MPP7: variants seen among roughly 807,000 people sequenced by gnomAD.
The protein encoded by MPP7 is MAGUK p55 scaffold protein 7.
MPP7 carries 60 observed loss-of-function variants against 76.5 expected under a neutral mutation model. That is an observed-to-expected ratio of 0.78 (90% CI 0.64 to 0.97). MPP7 has a LOEUF of 0.97. Ranked by LOEUF, MPP7 falls within the 50% of genes least tolerant of loss-of-function variation. MPP7 has a pLI of 0.00. For missense variants in MPP7, 641 were observed against 694.0 expected, an observed-to-expected ratio of 0.92 and a Z score of 0.86; for synonymous variants, 237 against 244.5, an observed-to-expected ratio of 0.97 and a Z score of 0.29.
intron 1 of MPP7, among the ~76,000 whole-genome samples, chr10:28,295,079 G>A (rs148700027): frequency 6.6e-6 from 1 of 152,256 alleles, no homozygotes; most frequent in East Asian, 1.9e-4. Context: ...AAATTCTGGG[G>A]CTGGAAGGCA....
At chr10:28,211,273 T>C (rs1310238053) in intron 2 of MPP7, among the ~76,000 whole-genome samples, 1 of 152,104 alleles carries the variant, frequency 6.6e-6, no homozygotes, top group South Asian at 2.1e-4. Context: ...ATCATTGTCC[T>C]TACAGATAAA....
intron 8 of MPP7, among the ~76,000 whole-genome samples, chr10:28,122,088 G>A (rs1317266000): frequency 6.6e-6 from 1 of 152,180 alleles, no homozygotes; most frequent in Non-Finnish European, 1.5e-5. Flanking sequence ...GCTTATTGTA[G>A]AAGGCGCTCA....
intron 2 of MPP7, among the ~76,000 whole-genome samples, chr10:28,222,725 G>A (rs111342848): frequency 0.021 from 3,117 of 151,174 alleles, 115 homozygotes; most frequent in African/African-American, 0.068. Flanking sequence ...GGTGGCGGGC[G>A]CCTATAGTCC....
chr10:28,239,844 T>C (rs905776197), intron 1 of MPP7, among the ~76,000 whole-genome samples: 1 of 152,196 alleles, frequency 6.6e-6, no homozygotes, highest in Admixed American at 6.5e-5. Flanking sequence ...CTTCCTTATA[T>C]GCAAATAGAG....
rs145704516 is a variant in MPP7, at chr10:28,058,589, C to T, written c.1313G>A (p.Gly438Glu). Residue 438 changes from glycine to glutamate, a missense_variant, in exon 15 of 17, where the codon GGA becomes GAA. Transcript: ENST00000683449. Reference sequence around the variant, plus strand: ...GCCGTAGTAGTTGTTTTTATATTCTCCATATTCAATAAACCTGTAAAAAAT... The same window carrying T: ...GCCGTAGTAGTTGTTTTTATATTCTTCATATTCAATAAACCTGTAAAAAAT... ...DVQNNKFIEY[G>E]EYKNNYYGTS... 8 of 1,585,424 alleles carry T rather than the reference C, an allele frequency of 5.0e-6. No individual in the cohort carries two copies. The African/African-American group carries it at 1.1e-4, about 21-fold the overall frequency.
chr10:28,209,727 C>T (rs1564703550), intron 2 of MPP7, among the ~76,000 whole-genome samples: 2 of 152,076 alleles, frequency 1.3e-5, no homozygotes, highest in South Asian at 2.1e-4. Flanking sequence ...GAGCACTAGG[C>T]CAAAGTTCTA....
chr10:28,265,681 G>A (rs557604470), intron 1 of MPP7, among the ~76,000 whole-genome samples: 2 of 152,216 alleles, frequency 1.3e-5, no homozygotes, highest in Admixed American at 6.5e-5. Context: ...TAATGTGTCT[G>A]TTCCATTGTT....
rs1320050817 is a variant in MPP7, at chr10:28,109,148, C to T, written c.952+10503G>A. On this transcript the variant is annotated intron_variant, in intron 11 of 16. Coordinates refer to ENST00000683449, the MANE Select transcript of MPP7 (RefSeq NM_001318170.2). ...ACTAAAAATACAAAAATAAGCCAGG[C>T]GTGGTGGTGGGTGCCTGTAATCCCA... Among the ~76,000 whole-genome samples the T allele has an allele frequency of 8.6e-5, 13 of 151,924 alleles. 1 individual carries two copies. Among genetic ancestry groups the T allele is most frequent in the Admixed American group, 7.2e-4 (11 of 15,252 alleles).
chr10:28,122,219 T>C (rs1294163125), intron 8 of MPP7, among the ~76,000 whole-genome samples: 3 of 152,174 alleles, frequency 2.0e-5, no homozygotes, highest in African/African-American at 7.2e-5. Context: ...TTTTTTTAAA[T>C]GGATCTATGG....
intron 3 of MPP7, among the ~76,000 whole-genome samples, chr10:28,171,557 A>T (rs1316887078): frequency 2.0e-5 from 3 of 152,182 alleles, no homozygotes; most frequent in Non-Finnish European, 4.4e-5. Flanking sequence ...TGGAAAGAGA[A>T]ACTATAATTT....
In MPP7 at chr10:28,248,930, C is replaced by T. The variant is rs367950060; in HGVS notation, c.-131-10195G>A. On this transcript the variant is annotated intron_variant, in intron 1 of 16. Coordinates refer to ENST00000683449, the MANE Select transcript of MPP7 (RefSeq NM_001318170.2). ...TCGCCTAACAACAAATTTCTCAGAA[C>T]GTCTCCCTGTCGTTAAGCAACGTAT... 3.7e-4 allele frequency among the ~76,000 whole-genome samples: 56 copies of T among 152,256 alleles called. No individual in the cohort carries two copies. The East Asian group carries it at 9.9e-3, about 27-fold the overall frequency.
chr10:28,132,270 G>A (rs937340080), intron 5 of MPP7, among the ~76,000 whole-genome samples: 15 of 152,096 alleles, frequency 9.9e-5, no homozygotes, highest in African/African-American at 3.1e-4. Flanking sequence ...AAGAACACCA[G>A]AACTTTGACA....
intron 8 of MPP7, among the ~76,000 whole-genome samples, chr10:28,121,266 CT>C (rs11327373): frequency 0.11 from 14,492 of 136,492 alleles, 1,210 homozygotes; most frequent in African/African-American, 0.25. Flanking sequence ...GAGCAAGAAG[CT>C]TTTTTTTTTT....
upstream of MPP7, among the ~76,000 whole-genome samples, chr10:28,308,035 T>TA (rs1489876943): frequency 2.6e-5 from 4 of 152,204 alleles, no homozygotes; most frequent in Non-Finnish European, 5.9e-5. Flanking sequence ...CAATTTTCTC[T>TA]AACACTTCCC....
intron 3 of MPP7, among the ~76,000 whole-genome samples, chr10:28,200,838 G>A (rs951835828): frequency 2.6e-5 from 4 of 152,134 alleles, no homozygotes; most frequent in African/African-American, 9.7e-5. Context: ...AAATGAATAT[G>A]CATCCATTGT....
chr10:28,196,980 G>C (rs1167284575), intron 3 of MPP7, among the ~76,000 whole-genome samples: 1 of 152,096 alleles, frequency 6.6e-6, no homozygotes, highest in Non-Finnish European at 1.5e-5. Flanking sequence ...AGCTATTCAA[G>C]AACAGGTCAC....
chr10:28,080,009 CG>C (rs1285293504), intron 12 of MPP7, among the ~76,000 whole-genome samples: 1 of 118,424 alleles, frequency 8.4e-6, no homozygotes, highest in Admixed American at 1.2e-4. Flanking sequence ...ATAATCCCAG[CG>C]GAAGAATGGC....
intron 2 of MPP7, among the ~76,000 whole-genome samples, chr10:28,224,931 G>GCT (rs955209957): frequency 1.4e-4 from 22 of 152,122 alleles, no homozygotes; most frequent in African/African-American, 4.8e-4. Context: ...TATCCCCAGT[G>GCT]CTCTGTCAGT....
rs374670674 is a variant in MPP7, at chr10:28,224,086, G to A, written c.37+14482C>T. ...TATAATCCCAGCTACTCAGGAGGCT[G>A]AGGCACAAGAATCACTTGAACCCAG... On this transcript the variant is annotated intron_variant, in intron 2 of 16. Coordinates refer to ENST00000683449, the MANE Select transcript of MPP7 (RefSeq NM_001318170.2). Among the ~76,000 whole-genome samples, 109 of 151,992 alleles carry A rather than the reference G, an allele frequency of 7.2e-4. 1 individual carries two copies. The highest frequency in any genetic ancestry group is 2.4e-3 in the African/African-American group (101 of 41,434).
Sources: gnomAD v4.1 joint callset for allele counts (sites outside exome capture counted in the v4.1 genomes callset) on GRCh38, gnomAD v4.1.1 for gene constraint, MANE v1.5 for transcripts, NCBI Gene and HGNC (gene_info 2026-07-23, HGNC 2026-07-21) for gene names.